The following OPCML variants were observed in gnomAD, a reference collection of about 807,000 sequenced individuals.
The protein encoded by OPCML is opioid-binding protein/cell adhesion molecule.
Under a neutral mutation model 37.8 loss-of-function variants are expected in OPCML, and 13 were observed. The observed-to-expected ratio is 0.34, with a 90% confidence interval of 0.22 to 0.55. The LOEUF (loss-of-function observed/expected upper bound fraction) is 0.55. OPCML is among the 20% of genes least tolerant of loss of function. The pLI is 0.91. For synonymous variants in OPCML, 176 were observed against 168.8 expected, an observed-to-expected ratio of 1.04 and a Z score of -0.33; for missense variants, 341 against 435.6, an observed-to-expected ratio of 0.78 and a Z score of 1.93.
chr11:133,446,460 T>C (rs1157387575), intron 1 of OPCML, among the ~76,000 whole-genome samples: 1 of 152,210 alleles, frequency 6.6e-6, no homozygotes, highest in Non-Finnish European at 1.5e-5. Flanking sequence ...GGTCTTGCTC[T>C]GCTGCCTGGG....
At position 132,866,328 on chromosome 11, in the gene OPCML, G is replaced by A. The variant is rs78494753; in HGVS notation, c.146+76598C>T. 4.9e-4 allele frequency among the ~76,000 whole-genome samples: 75 copies of A among 152,288 alleles called. 1 individual carries two copies. Among genetic ancestry groups the A allele is most frequent in the African/African-American group, 1.3e-3 (55 of 41,564 alleles). On this transcript the variant is annotated intron_variant, in intron 2 of 7. Coordinates refer to ENST00000524381, the MANE Select transcript of OPCML (RefSeq NM_001012393.5). ...CCACACCAAGGGGATGCTATAAAGC[G>A]CATCATGAAATCATCAAATGCTACT... is the stretch of plus-strand genomic sequence containing the variant.
At chr11:132,880,241 T>C (rs1284900204) in intron 2 of OPCML, among the ~76,000 whole-genome samples, 1 of 151,978 alleles carries the variant, frequency 6.6e-6, no homozygotes, top group East Asian at 1.9e-4. Context: ...GTTTAAATAA[T>C]TAAAATCTAC....
intron 4 of OPCML, among the ~76,000 whole-genome samples, chr11:132,512,564 A>G (rs758076150): frequency 1.3e-5 from 2 of 152,058 alleles, no homozygotes; most frequent in African/African-American, 2.4e-5. Flanking sequence ...TCAAAAGGTG[A>G]GTGAAGAAAT....
chr11:133,390,275 C>G (rs911829638), intron 1 of OPCML, among the ~76,000 whole-genome samples: 2 of 151,934 alleles, frequency 1.3e-5, no homozygotes, highest in African/African-American at 2.4e-5. Context: ...CTGGCTAATA[C>G]GCTGAAACCC....
intron 2 of OPCML, among the ~76,000 whole-genome samples, chr11:132,827,638 T>C (rs1380203760): frequency 6.6e-6 from 1 of 152,220 alleles, no homozygotes; most frequent in Non-Finnish European, 1.5e-5. Context: ...TTGTTTTTGT[T>C]GTCTGTTTGC....
chr11:132,634,407 C>G (rs944837008), intron 3 of OPCML, among the ~76,000 whole-genome samples: 1 of 152,190 alleles, frequency 6.6e-6, no homozygotes, highest in African/African-American at 2.4e-5. Flanking sequence ...ATATGACAGT[C>G]CCTAATAACT....
intron 1 of OPCML, among the ~76,000 whole-genome samples, chr11:133,249,611 G>T (rs1384585125): frequency 6.6e-6 from 1 of 152,126 alleles, no homozygotes; most frequent in Non-Finnish European, 1.5e-5. Flanking sequence ...CAAAGGCGGA[G>T]GAGAGAAAGC....
chr11:132,420,227 C>G lies in OPCML; in HGVS notation c.983G>C (p.Gly328Ala), dbSNP rs1488042030. The G allele has an allele frequency of 3.7e-6, 6 of 1,613,854 alleles. No homozygotes were observed. The highest frequency in any genetic ancestry group is 5.1e-6 in the Non-Finnish European group (6 of 1,179,864). ...SRALACLWLS[G>A]TLLAHFFIKF ...GATGAAGAAGTGGGCTAAGAGGGTC[C>G]CTGATAGCCAGAGACAAGCCAGTGC... is the stretch of plus-strand genomic sequence containing the variant. The change falls in exon 8 of 8, where the codon GGG (glycine) becomes GCG (alanine). Residue 328 changes from glycine (G) to alanine (A), a missense_variant. Gly to Ala is a moderately conservative substitution (Grantham distance 60). Transcript: ENST00000524381.
intron 1 of OPCML, among the ~76,000 whole-genome samples, chr11:133,518,177 G>A (rs577631515): frequency 1.3e-5 from 2 of 151,958 alleles, no homozygotes; most frequent in East Asian, 3.9e-4. Context: ...ATATAGGCAA[G>A]GTATGTATGT....
At chr11:132,569,450 A>G (rs2096432226) in intron 3 of OPCML, among the ~76,000 whole-genome samples, 1 of 152,208 alleles carries the variant, frequency 6.6e-6, no homozygotes, top group Admixed American at 6.5e-5. Flanking sequence ...GGCCTAGACA[A>G]GTCATACACT....
At chr11:132,724,392 G>A (rs936357812) in intron 2 of OPCML, among the ~76,000 whole-genome samples, 5 of 152,092 alleles carry the variant, frequency 3.3e-5, no homozygotes, top group Non-Finnish European at 5.9e-5. Flanking sequence ...ATATAACCAT[G>A]AGATCTCGTG....
At chr11:133,041,992 C>T (rs753760544) in intron 1 of OPCML, among the ~76,000 whole-genome samples, 18 of 152,162 alleles carry the variant, frequency 1.2e-4, no homozygotes, top group Admixed American at 2.0e-4. Flanking sequence ...GGCAAACGAC[C>T]TTTCCATCCC....
At chr11:133,144,801 G>C (rs1280143040) in intron 1 of OPCML, among the ~76,000 whole-genome samples, 1 of 152,198 alleles carries the variant, frequency 6.6e-6, no homozygotes, top group Non-Finnish European at 1.5e-5. Context: ...AGGTAGCTAA[G>C]AGATATTTCC....
intron 1 of OPCML, among the ~76,000 whole-genome samples, chr11:133,146,771 T>C (rs1820840107): frequency 6.6e-6 from 1 of 152,206 alleles, no homozygotes; most frequent in African/African-American, 2.4e-5. Context: ...CTCTATCTCC[T>C]ATCCTCATCT....
chr11:133,392,461 G>C (rs1945192635), intron 1 of OPCML, among the ~76,000 whole-genome samples: 2 of 152,198 alleles, frequency 1.3e-5, no homozygotes, highest in African/African-American at 4.8e-5. Flanking sequence ...CTAGGAAAGG[G>C]TGAAAAAGGG....
intron 1 of OPCML, among the ~76,000 whole-genome samples, chr11:133,367,076 T>G (rs897794458): frequency 6.6e-6 from 1 of 152,126 alleles, no homozygotes; most frequent in African/African-American, 2.4e-5. Flanking sequence ...ACTCCCTGGT[T>G]CAAGTGATTC....
At chr11:133,264,355 G>A (rs1440124127) in intron 1 of OPCML, among the ~76,000 whole-genome samples, 2 of 152,206 alleles carry the variant, frequency 1.3e-5, no homozygotes, top group African/African-American at 4.8e-5. Flanking sequence ...CATCTCCTGG[G>A]CCTGATGAAG....
chr11:132,803,942 T>C (rs1312961611), intron 2 of OPCML, among the ~76,000 whole-genome samples: 2 of 152,228 alleles, frequency 1.3e-5, no homozygotes, highest in African/African-American at 4.8e-5. Flanking sequence ...GGATGCTTGC[T>C]AAGAAGAAAC....
At chr11:133,423,304 C>T in intron 1 of OPCML, 1 of 985,370 alleles carries the variant, frequency 1.0e-6, no homozygotes, top group Non-Finnish European at 1.2e-6. Context: ...GAATGAAGTT[C>T]TGAGGGATTT....
Sources: allele counts gnomAD v4.1 joint callset (sites outside exome capture counted in the v4.1 genomes callset), GRCh38; gene constraint gnomAD v4.1.1; transcripts MANE v1.5; gene names NCBI Gene and HGNC (gene_info 2026-07-23, HGNC 2026-07-21).